The following HERC6 variants were observed in gnomAD, a reference collection of about 807,000 sequenced individuals.
HERC6 encodes the protein probable E3 ubiquitin-protein ligase HERC6.
HERC6 carries 101 observed loss-of-function variants against 114.5 expected under a neutral mutation model. The observed-to-expected ratio is 0.88, with a 90% CI of 0.75 to 1.04. HERC6 has a LOEUF of 1.04. HERC6 is among the 50% of genes least tolerant of loss of function. The pLI is 0.00. For synonymous variants in HERC6, 408 were observed against 436.2 expected, an observed-to-expected ratio of 0.94 and a Z score of 0.81; for missense variants, 1,133 against 1,230.9, an observed-to-expected ratio of 0.92 and a Z score of 1.19.
chr4:88,407,165 C>T (rs1318522482), intron 10 of HERC6, among the ~76,000 whole-genome samples: 1 of 152,162 alleles, frequency 6.6e-6, no homozygotes, highest in African/African-American at 2.4e-5. Flanking sequence ...GCAGCCTCCG[C>T]CTCGTGGGTT....
Position 88,442,662 on chromosome 4 carries a change from G to A in HERC6, c.*202G>A, listed in dbSNP as rs1739454513. ...GCAGGAGAATAGGGTACAGAGATAG[G>A]GATCTAAGGATGACTTGGACACACT... On this transcript the variant is annotated 3_prime_UTR_variant, in exon 23 of 23. Transcript: ENST00000264346. 4 of 588,810 alleles carry A rather than the reference G, an allele frequency of 6.8e-6. No individual in the cohort carries two copies. The highest frequency in any genetic ancestry group is 3.0e-6 in the Non-Finnish European group (1 of 328,688). The allele number at this position is 588,810 out of a possible 1,614,324, so 36.5% of individuals were successfully genotyped here.
chr4:88,441,670 A>G (rs1322545746), intron 22 of HERC6, among the ~76,000 whole-genome samples: 2 of 152,222 alleles, frequency 1.3e-5, no homozygotes, highest in Non-Finnish European at 2.9e-5. Flanking sequence ...TGTTGCTACT[A>G]AGGATGCTGG....
At chr4:88,406,305 TAA>T (rs1366451231) in intron 10 of HERC6, among the ~76,000 whole-genome samples, 7 of 152,242 alleles carry the variant, frequency 4.6e-5, no homozygotes, top group Non-Finnish European at 7.3e-5. Context: ...AACTTGGTGT[TAA>T]GTTTGCTCAC....
At chr4:88,385,378 A>T (rs1271919394) in intron 2 of HERC6, 121 bp from the exon 3 acceptor site, 3 of 629,146 alleles carry the variant, frequency 4.8e-6, no homozygotes, top group Non-Finnish European at 8.4e-6. Flanking sequence ...TAGAAATACA[A>T]GAAAATAAAA....
At chr4:88,417,108 C>T (rs1003230009) in intron 12 of HERC6, among the ~76,000 whole-genome samples, 11 of 152,140 alleles carry the variant, frequency 7.2e-5, no homozygotes, top group African/African-American at 2.7e-4. Flanking sequence ...TTTCAGACTT[C>T]ATAGATACCC....
chr4:88,392,992 G>A (rs970115542), intron 4 of HERC6, among the ~76,000 whole-genome samples: 1 of 152,176 alleles, frequency 6.6e-6, no homozygotes, highest in Non-Finnish European at 1.5e-5. Context: ...ATCCTGGATT[G>A]TAATCCCATC....
chr4:88,436,624 G>A (rs1487877854), intron 18 of HERC6, among the ~76,000 whole-genome samples: 1 of 152,156 alleles, frequency 6.6e-6, no homozygotes, highest in Non-Finnish European at 1.5e-5. Flanking sequence ...GACCCCTAGG[G>A]GACAAAGTCA....
rs761976396 is a variant in HERC6, at chr4:88,396,150, GCTT to G, written c.887+21_887+23del. 1.5e-4 allele frequency: 240 copies of G among 1,556,866 alleles called. No individual in the cohort carries two copies. Among genetic ancestry groups the G allele is most frequent in the Admixed American group, 6.2e-4 (31 of 50,000 alleles). ...GCAGATAGATTGTGGAAGGTAATAG[GCTT>G]CTTCTTCTTCTTTTTCTTAGCATGT... On this transcript the variant is annotated intron_variant, in intron 6 of 22. Coordinates refer to ENST00000264346, the MANE Select transcript of HERC6 (RefSeq NM_017912.4).
At position 88,423,971 on chromosome 4, in the gene HERC6, CT is replaced by C; in HGVS notation, c.1826del (p.Leu609ArgfsTer34). ...AAGACAGCTCTTTCGGGATAACCAC[CT>C]GGTAAGAATAACATTTTTACTTCTG... Reference protein sequence around the residue: ...RGRQLFRDNHLIPAETPSPVI... With the variant: ...RGRQLFRDNHXIPAETPSPVI... On this transcript the variant is annotated frameshift_variant and splice_region_variant, in exon 14 of 23. Transcript: ENST00000264346. LOFTEE classifies it high-confidence loss of function. 7.3e-7 allele frequency: 1 copy of C among 1,375,678 alleles called. No homozygotes were observed. The highest frequency in any genetic ancestry group is 1.5e-5 in the African/African-American group (1 of 67,554). The allele number at this position is 1,375,678 out of a possible 1,614,324, so 85.2% of individuals were successfully genotyped here.
intron 14 of HERC6, 128 bp downstream of exon 14, chr4:88,424,101 C>A: frequency 1.8e-6 from 1 of 555,328 alleles, no homozygotes. Flanking sequence ...GATAAATTTG[C>A]TAAATTTGAT....
At chr4:88,395,382 A>G (rs1291764693) in intron 5 of HERC6, among the ~76,000 whole-genome samples, 1 of 152,188 alleles carries the variant, frequency 6.6e-6, no homozygotes. Flanking sequence ...TATTCATTCA[A>G]TAAAGACTTA....
chr4:88,396,729 C>G (rs1735252306), intron 6 of HERC6, 122 bp from the exon 7 acceptor site: 3 of 798,898 alleles, frequency 3.8e-6, no homozygotes, highest in African/African-American at 1.7e-5. Flanking sequence ...GATAAGGGAG[C>G]TGCGTACTTA....
intron 16 of HERC6, 101 bp from the exon 17 acceptor site, chr4:88,431,061 T>C: frequency 9.6e-7 from 1 of 1,036,436 alleles, no homozygotes; most frequent in Non-Finnish European, 1.4e-6. Flanking sequence ...TTCTAATAAT[T>C]CTAGAGACTG....
intron 2 of HERC6, among the ~76,000 whole-genome samples, chr4:88,384,331 G>A (rs1323661166): frequency 6.6e-6 from 1 of 152,134 alleles, no homozygotes; most frequent in Non-Finnish European, 1.5e-5. Flanking sequence ...TAATTTGCAA[G>A]CCCCCAAATA....
chr4:88,412,817 T>C (rs757609763), intron 11 of HERC6, among the ~76,000 whole-genome samples: 3 of 152,202 alleles, frequency 2.0e-5, no homozygotes, highest in Non-Finnish European at 4.4e-5. Flanking sequence ...ATTCACTCAG[T>C]ATATCCATGC....
chr4:88,397,300 T>C (rs188925145), intron 7 of HERC6, among the ~76,000 whole-genome samples: 2,740 of 151,554 alleles, frequency 0.018, 110 homozygotes, highest in African/African-American at 0.063. Flanking sequence ...TTAGTAGAGA[T>C]GGGGTTTCTC....
At chr4:88,408,452 A>G in intron 10 of HERC6, 72 bp from the exon 11 acceptor site, 2 of 922,754 alleles carry the variant, frequency 2.2e-6, no homozygotes, top group Non-Finnish European at 3.4e-6. Context: ...TAAAGCAACA[A>G]ATGACATACA....
chr4:88,436,913 A>G lies in HERC6; in HGVS notation c.2426A>G (p.Gln809Arg), dbSNP rs1392474605. ...ACCAAAATCTTCATTAGGAGTTTGC[A>G]AGAAGTTCTAGATGATGCTGCTGAT... ...ELSPRLGKSL[Q>R]EVLDDAADDI... is the part of the protein sequence containing the mutation. Residue 809 changes from glutamine to arginine, a missense_variant, in exon 19 of 23, where the codon CAA becomes CGA. Gln to Arg is a conservative substitution (Grantham distance 43). Around this residue, in one of 3 missense-constraint regions of HERC6, gnomAD observed 388 missense variants for 445.9 expected, o/e 0.87. Transcript: ENST00000264346. The G allele has an allele frequency of 1.2e-6, 2 of 1,601,180 alleles. No individual in the cohort carries two copies. Among genetic ancestry groups the G allele is most frequent in the Non-Finnish European group, 1.7e-6 (2 of 1,173,662 alleles).
chr4:88,398,172 T>G lies in HERC6; in HGVS notation c.1055T>G (p.Phe352Cys). ...DFVDVQVKHI[F>C]AGTYANFVTT... is the part of the protein sequence containing the mutation. ...GTGGATGTTCAAGTCAAACACATTT[T>G]TGCTGGAACATATGCCAACTTTGTG... Residue 352 changes from phenylalanine to cysteine, a missense_variant, in exon 8 of 23, where the codon TTT becomes TGT. By Grantham distance (205) the Phe-to-Cys change is radical (BLOSUM62 -2). Transcript: ENST00000264346. The G allele has an allele frequency of 6.3e-7, 1 of 1,599,152 alleles. No homozygotes were observed. Among genetic ancestry groups the G allele is most frequent in the Non-Finnish European group, 8.5e-7 (1 of 1,173,250 alleles).
Sources: allele counts gnomAD v4.1 joint callset (sites outside exome capture counted in the v4.1 genomes callset), GRCh38; gene constraint gnomAD v4.1.1; regional missense constraint gnomAD v4.1.1; transcripts MANE v1.5; gene names NCBI Gene and HGNC (gene_info 2026-07-23, HGNC 2026-07-21).